GLRA2: variants seen among roughly 807,000 people sequenced by gnomAD.
GLRA2 encodes the protein glycine receptor subunit alpha-2.
GLRA2 carries 11 observed loss-of-function variants against 31.6 expected under a neutral mutation model. The ratio of observed to expected loss-of-function variants is 0.35; its 90% CI spans 0.22 to 0.58. GLRA2 has a LOEUF of 0.58. Among genes scored for constraint, GLRA2 ranks in the 20% least tolerant of loss-of-function variants. The pLI is 0.84. For missense variants in GLRA2, 212 were observed against 351.8 expected (o/e 0.60, Z 3.18); for synonymous variants, 132 against 134.0 (o/e 0.99, Z 0.10).
intron 7 of GLRA2, among the ~76,000 whole-genome samples, chrX:14,670,938 C>T (rs1348343348): frequency 1.8e-5 from 2 of 111,386 alleles, no homozygotes; most frequent in South Asian, 3.8e-4. Flanking sequence ...ATTATCTGAC[C>T]CCAGGAGAGT....
chrX:14,614,541 T>C (rs1450660966), intron 7 of GLRA2, among the ~76,000 whole-genome samples: 1 of 111,697 alleles, frequency 9.0e-6, no homozygotes, highest in Non-Finnish European at 1.9e-5. Flanking sequence ...TTAGGCTCAC[T>C]AAGAACTTGT....
chrX:14,479,584 C>T, the GLRA2 span, among the ~76,000 whole-genome samples: 1 of 111,344 alleles, frequency 9.0e-6, no homozygotes, highest in African/African-American at 3.3e-5. Context: ...ATCTTTATGT[C>T]CATGAGTACC....
At chrX:14,574,190 T>C (rs2089922300) in intron 2 of GLRA2, 143 bp from the exon 3 acceptor site, 1 of 468,599 alleles carries the variant, frequency 2.1e-6, no homozygotes, top group South Asian at 3.3e-5. Flanking sequence ...ATGTTATCAT[T>C]ATGCACCTCA....
At chrX:14,620,251 T>G (rs946981432) in intron 7 of GLRA2, among the ~76,000 whole-genome samples, 6 of 108,717 alleles carry the variant, frequency 5.5e-5, no homozygotes, top group Non-Finnish European at 7.7e-5. Context: ...TCCTCAGCAC[T>G]GTCACAACTA....
the GLRA2 span, among the ~76,000 whole-genome samples, chrX:14,485,603 C>A: frequency 6.5e-3 from 724 of 111,126 alleles, 8 homozygotes; most frequent in African/African-American, 0.022. Flanking sequence ...GTGGTAAGAG[C>A]ACCTAAAATC....
the GLRA2 span, among the ~76,000 whole-genome samples, chrX:14,497,120 G>C: frequency 1.8e-5 from 2 of 111,804 alleles, no homozygotes; most frequent in Non-Finnish European, 3.8e-5. Context: ...AAGTGTCTTA[G>C]AACACAGAAG....
the GLRA2 span, among the ~76,000 whole-genome samples, chrX:14,498,554 A>T: frequency 1.8e-5 from 2 of 111,076 alleles, no homozygotes; most frequent in African/African-American, 6.5e-5. Context: ...TAATTTGTAC[A>T]GATCAAATCA....
chrX:14,657,444 C>T (rs989107860), intron 7 of GLRA2, among the ~76,000 whole-genome samples: 1 of 112,422 alleles, frequency 8.9e-6, no homozygotes, highest in African/African-American at 3.2e-5. Context: ...CATTTAGGCA[C>T]TCTCCTGCTT....
intron 8 of GLRA2, among the ~76,000 whole-genome samples, chrX:14,708,754 T>C (rs1475971196): frequency 9.0e-6 from 1 of 111,207 alleles, no homozygotes; most frequent in East Asian, 2.8e-4. Flanking sequence ...CTGACCAACA[T>C]GGAGAAACCC....
chrX:14,486,647 C>T, the GLRA2 span, among the ~76,000 whole-genome samples: 6,531 of 111,426 alleles, frequency 0.059, 488 homozygotes, highest in African/African-American at 0.2. Flanking sequence ...ACATTTTATG[C>T]CTACTTACCA....
the GLRA2 span, among the ~76,000 whole-genome samples, chrX:14,497,782 C>A: frequency 1.8e-5 from 2 of 109,263 alleles, no homozygotes; most frequent in Non-Finnish European, 3.8e-5. Flanking sequence ...TACACTTTGC[C>A]CCACCCCCTC....
chrX:14,622,845 T>C (rs991941826), intron 7 of GLRA2, among the ~76,000 whole-genome samples: 2 of 112,085 alleles, frequency 1.8e-5, no homozygotes, highest in African/African-American at 6.5e-5. Flanking sequence ...AGGCTCTTTT[T>C]TGGTTCCATA....
intron 8 of GLRA2, among the ~76,000 whole-genome samples, chrX:14,691,301 G>A (rs1441093260): frequency 1.9e-5 from 2 of 104,915 alleles, no homozygotes; most frequent in Non-Finnish European, 1.9e-5. Context: ...GTGTGTGTGT[G>A]TGTGTGTGTG....
At chrX:14,643,124 G>A (rs748178039) in intron 7 of GLRA2, among the ~76,000 whole-genome samples, 21 of 111,816 alleles carry the variant, frequency 1.9e-4, no homozygotes, top group Non-Finnish European at 3.6e-4. Flanking sequence ...AGCGATCAGG[G>A]AAACAGGTAT....
At chrX:14,645,801 A>G (rs1313178640) in intron 7 of GLRA2, among the ~76,000 whole-genome samples, 1 of 111,983 alleles carries the variant, frequency 8.9e-6, no homozygotes, top group Admixed American at 9.5e-5. Flanking sequence ...TGGGTTAATT[A>G]AAACTGCCCA....
At chrX:14,592,229 T>C (rs1274428657) in intron 4 of GLRA2, among the ~76,000 whole-genome samples, 2 of 111,627 alleles carry the variant, frequency 1.8e-5, no homozygotes, top group African/African-American at 6.5e-5. Flanking sequence ...GCAGAGGAGA[T>C]TCAGAATTTC....
chrX:14,545,690 T>C (rs1370212683), intron 2 of GLRA2, among the ~76,000 whole-genome samples: 2 of 111,761 alleles, frequency 1.8e-5, no homozygotes, highest in Admixed American at 9.5e-5. Flanking sequence ...ATAATCTGAG[T>C]GCCTGACTTA....
chrX:14,617,855 G>C (rs1462612009), intron 7 of GLRA2, among the ~76,000 whole-genome samples: 1 of 111,974 alleles, frequency 8.9e-6, no homozygotes, highest in Non-Finnish European at 1.9e-5. Flanking sequence ...CACAGCAAAA[G>C]TTATGGCTGC....
At chrX:14,628,791 G>A (rs1303166065) in intron 7 of GLRA2, among the ~76,000 whole-genome samples, 1 of 111,580 alleles carries the variant, frequency 9.0e-6, no homozygotes, top group Non-Finnish European at 1.9e-5. Flanking sequence ...TGGCAAACAG[G>A]GAGGCACATA....
Sources: allele counts gnomAD v4.1 joint callset (sites outside exome capture counted in the v4.1 genomes callset), GRCh38; gene constraint gnomAD v4.1.1; transcripts MANE v1.5; gene names NCBI Gene and HGNC (gene_info 2026-07-23, HGNC 2026-07-21).